Variants in KIAA1210 observed in about 807,000 individuals in gnomAD.
KIAA1210 encodes the protein KIAA1210.
Under a neutral mutation model 78.9 loss-of-function variants are expected in KIAA1210, and 48 were observed. The ratio of observed to expected loss-of-function variants is 0.61; its 90% CI spans 0.48 to 0.77. The LOEUF (loss-of-function observed/expected upper bound fraction) is 0.77. Ranked by LOEUF, KIAA1210 falls within the 30% of genes least tolerant of loss-of-function variation. The pLI is 0.00. For missense variants in KIAA1210, 1,108 were observed against 1,100.0 expected, an observed-to-expected ratio of 1.01 and a Z score of -0.10; for synonymous variants, 406 against 404.5, an observed-to-expected ratio of 1.00 and a Z score of -0.04.
At chrX:119,133,977 G>A in intron 2 of KIAA1210, among the ~76,000 whole-genome samples, 1 of 110,633 alleles carries the variant, frequency 9.0e-6, no homozygotes, top group Non-Finnish European at 1.9e-5. Context: ...ATTTGTGTTG[G>A]GAACATTTCA....
At chrX:119,085,250 G>C in intron 10 of KIAA1210, 133 bp downstream of exon 10, 1 of 598,382 alleles carries the variant, frequency 1.7e-6, no homozygotes, top group Admixed American at 3.1e-5. Context: ...CTTTTTCCCT[G>C]AAGAGTCCTC....
chrX:119,110,227 C>T (rs1435043065), intron 3 of KIAA1210, among the ~76,000 whole-genome samples: 1 of 112,062 alleles, frequency 8.9e-6, no homozygotes, highest in Non-Finnish European at 1.9e-5. Flanking sequence ...TCAGTGAATG[C>T]CAAACACTGT....
At chrX:119,136,478 A>T (rs992205295) in intron 2 of KIAA1210, among the ~76,000 whole-genome samples, 1 of 111,576 alleles carries the variant, frequency 9.0e-6, no homozygotes, top group South Asian at 3.8e-4. Context: ...GGGAATGGGC[A>T]TAAGGAGGGG....
At chrX:119,114,865 T>C (rs1928203256) in intron 3 of KIAA1210, among the ~76,000 whole-genome samples, 1 of 111,254 alleles carries the variant, frequency 9.0e-6, no homozygotes, top group African/African-American at 3.3e-5. Flanking sequence ...GAGGCGAAAA[T>C]AAAAATAAAA....
chrX:119,113,970 G>C (rs780712146), intron 3 of KIAA1210, among the ~76,000 whole-genome samples: 2 of 111,941 alleles, frequency 1.8e-5, no homozygotes, highest in South Asian at 7.6e-4. Context: ...GGGGGAACCT[G>C]TTAATTGGTA....
rs775486023 is a variant in KIAA1210, at chrX:119,093,142, G to T, written c.955+525C>A. 8.9e-5 allele frequency among the ~76,000 whole-genome samples: 10 copies of T among 112,328 alleles called. No homozygotes were observed. The South Asian group carries it at 3.7e-3, about 42-fold the overall frequency. On this transcript the variant is annotated intron_variant, in intron 8 of 11. Coordinates refer to ENST00000691062, the MANE Select transcript of KIAA1210 (RefSeq NM_001394962.1). Reference sequence around the variant, plus strand: ...TAGGTGTTGGCTGCCAAGGACATCTGTCTGCAGCTGCATAAACCCTCTTTG... The same window carrying T: ...TAGGTGTTGGCTGCCAAGGACATCTTTCTGCAGCTGCATAAACCCTCTTTG...
chrX:119,146,568 T>A (rs1347116053), intron 2 of KIAA1210, among the ~76,000 whole-genome samples: 2 of 112,251 alleles, frequency 1.8e-5, no homozygotes, highest in Non-Finnish European at 3.8e-5. Context: ...TTTGCAAAGA[T>A]TTAAATACTT....
rs745780546 is a variant in KIAA1210 at position 119,108,592 on chromosome X, C to T, written c.358-121G>A. ...AAGAGAAGTGAATATAGGCCAGGCACGGTGGCTCGCGCATGTAATCCCAGC... is the reference window on the plus strand; with the variant it reads ...AAGAGAAGTGAATATAGGCCAGGCATGGTGGCTCGCGCATGTAATCCCAGC... On this transcript the variant is annotated intron_variant, in intron 4 of 11. Transcript: ENST00000691062. 5.2e-4 allele frequency: 449 copies of T among 856,676 alleles called. 5 individuals are homozygous for T. Among genetic ancestry groups the T allele is most frequent in the Middle Eastern group, 3.4e-4 (1 of 2,916 alleles). The allele number at this position is 856,676 out of a possible 1,213,427, so 70.6% of individuals were successfully genotyped here. A position where few individuals can be genotyped will look rare whatever the true frequency, so the allele number is the denominator to read the frequency against.
chrX:119,139,673 T>A (rs1312915786), intron 2 of KIAA1210, among the ~76,000 whole-genome samples: 1 of 111,684 alleles, frequency 9.0e-6, no homozygotes, highest in Non-Finnish European at 1.9e-5. Context: ...ACCCACAATA[T>A]ATCCATGTAA....
chrX:119,100,795 T>C (rs1927715755), intron 6 of KIAA1210, among the ~76,000 whole-genome samples: 1 of 112,482 alleles, frequency 8.9e-6, no homozygotes, highest in African/African-American at 3.2e-5. Flanking sequence ...ACACATTATT[T>C]AGCTCCCACT....
upstream of KIAA1210, chrX:119,150,602 T>G (rs376408592): frequency 7.9e-5 from 93 of 1,180,971 alleles, no homozygotes; most frequent in Non-Finnish European, 1.0e-4. Flanking sequence ...AGTTGACCTG[T>G]CTCTGTGTCC....
chrX:119,094,337 TG>T (rs763567528), intron 7 of KIAA1210, among the ~76,000 whole-genome samples: 49 of 111,783 alleles, frequency 4.4e-4, no homozygotes, highest in African/African-American at 1.4e-3. Flanking sequence ...GGGCTGAAGT[TG>T]GTTTAGTATA....
chrX:119,112,285 C>T (rs1178488081), intron 3 of KIAA1210, among the ~76,000 whole-genome samples: 1 of 111,063 alleles, frequency 9.0e-6, no homozygotes, highest in Non-Finnish European at 1.9e-5. Flanking sequence ...TAAAAATGTT[C>T]GTGCATCAAA....
chrX:119,092,800 T>TAAATAAATAAAA (rs10680347), intron 8 of KIAA1210, among the ~76,000 whole-genome samples: 12 of 107,270 alleles, frequency 1.1e-4, no homozygotes, highest in African/African-American at 3.1e-4. Flanking sequence ...AATAAATAAA[T>TAAATAAATAAAA]AAAAATAAAG....
At chrX:119,137,698 A>G (rs1928946792) in intron 2 of KIAA1210, among the ~76,000 whole-genome samples, 1 of 112,275 alleles carries the variant, frequency 8.9e-6, no homozygotes, top group Non-Finnish European at 1.9e-5. Flanking sequence ...AATTTTTTTA[A>G]GCTCATCAGC....
Position 119,079,371 on chromosome X carries a change from G to A in KIAA1210, c.*1958C>T, listed in dbSNP as rs1926866924. 8.9e-6 allele frequency: 1 copy of A among 112,015 alleles called. No individual in the cohort carries two copies. Among genetic ancestry groups the A allele is most frequent in the African/African-American group, 3.3e-5 (1 of 30,769 alleles). 9.2% of individuals were successfully genotyped at this position (112,015 alleles called of 1,213,427 possible). ...ACTTCTGGGTCTCCTAGAAAAATGA[G>A]CTAGGTTTACTGCCCAGACATCCAA... On this transcript the variant is annotated 3_prime_UTR_variant, in exon 12 of 12. Coordinates refer to ENST00000691062, the MANE Select transcript of KIAA1210 (RefSeq NM_001394962.1).
intron 3 of KIAA1210, among the ~76,000 whole-genome samples, chrX:119,112,549 G>A (rs1235367021): frequency 1.8e-5 from 2 of 111,640 alleles, no homozygotes; most frequent in Non-Finnish European, 3.8e-5. Context: ...TATATAAATG[G>A]CCAACAAGTA....
At chrX:119,118,512 A>T (rs1301906016) in intron 2 of KIAA1210, among the ~76,000 whole-genome samples, 1 of 112,557 alleles carries the variant, frequency 8.9e-6, no homozygotes, top group Non-Finnish European at 1.9e-5. Context: ...AGGCAACAAT[A>T]TTATCTCCCA....
intron 1 of KIAA1210, among the ~76,000 whole-genome samples, 139 bp downstream of exon 1, chrX:119,127,588 A>G (rs917535909): frequency 3.6e-5 from 4 of 111,375 alleles, no homozygotes; most frequent in African/African-American, 1.3e-4. Flanking sequence ...GGACATGTGG[A>G]ACTGTCTCCT....
Sources: allele counts gnomAD v4.1 joint callset (sites outside exome capture counted in the v4.1 genomes callset), GRCh38; gene constraint gnomAD v4.1.1; transcripts MANE v1.5; gene names NCBI Gene and HGNC (gene_info 2026-07-23, HGNC 2026-07-21).